The following SLCO3A1 variants were observed in gnomAD, a reference collection of about 807,000 sequenced individuals.
SLCO3A1 encodes solute carrier organic anion transporter family member 3A1, also known as PGE1 transporter.
Under a neutral mutation model 63.1 loss-of-function variants are expected in SLCO3A1, and 27 were observed. That is an observed-to-expected ratio of 0.43 (90% CI 0.32 to 0.59). SLCO3A1 has a LOEUF of 0.59. Among genes scored for constraint, SLCO3A1 ranks in the 20% least tolerant of loss-of-function variants. The pLI is 0.09. For missense variants in SLCO3A1, 773 were observed against 945.8 expected (o/e 0.82, Z 2.40); for synonymous variants, 473 against 409.9 (o/e 1.15, Z -1.86).
In SLCO3A1 at chr15:91,941,703, T is replaced by G. The variant is rs1169117594; in HGVS notation, c.646+25245T>G. On this transcript the variant is annotated intron_variant, in intron 2 of 9. Transcript: ENST00000318445. This position sits in a 1 kb window ranked among gnomAD's most constrained non-coding sequence, Gnocchi z 4.4. ...CTTTAAAAAAATTATTTTTCCTCCT[T>G]TTTAATTTTTATGTTTAAAATATCT... 5 of 370,310 alleles carry G rather than the reference T, an allele frequency of 1.4e-5. No homozygotes were observed. The highest frequency in any genetic ancestry group is 2.1e-5 in the African/African-American group (1 of 46,832). The allele number at this position is 370,310 out of a possible 1,614,324, so 22.9% of individuals were successfully genotyped here.
intron 2 of SLCO3A1, among the ~76,000 whole-genome samples, chr15:91,920,710 T>A (rs1011958222): frequency 3.3e-5 from 5 of 152,200 alleles, no homozygotes; most frequent in African/African-American, 9.6e-5. Context: ...GAGGTTTTTT[T>A]AAGTGTTGTG....
intron 2 of SLCO3A1, among the ~76,000 whole-genome samples, chr15:91,978,328 A>G (rs202175990): frequency 6.6e-6 from 1 of 152,328 alleles, no homozygotes; most frequent in East Asian, 1.9e-4. Flanking sequence ...TCAGTGAACT[A>G]AGCTCTTTTA....
chr15:92,142,985 A>G (rs1171876734), intron 7 of SLCO3A1, among the ~76,000 whole-genome samples: 3 of 152,060 alleles, frequency 2.0e-5, no homozygotes, highest in Non-Finnish European at 4.4e-5. Flanking sequence ...CACATGGCTC[A>G]TTCAGAGGGT....
chr15:91,952,695 G>A (rs905453566), intron 2 of SLCO3A1, among the ~76,000 whole-genome samples: 1 of 152,174 alleles, frequency 6.6e-6, no homozygotes, highest in Non-Finnish European at 1.5e-5. Context: ...ATACTTTTCC[G>A]AAATCAATAG....
At chr15:91,930,933 G>A (rs1030524746) in intron 2 of SLCO3A1, among the ~76,000 whole-genome samples, 1 of 152,176 alleles carries the variant, frequency 6.6e-6, no homozygotes, top group Non-Finnish European at 1.5e-5. Context: ...CAACTACTGT[G>A]TTTTCCTGCT....
rs1381852070 is a variant in SLCO3A1 at position 92,104,466 on chromosome 15, A to T, written c.933A>T (p.Arg311Ser). The T allele has an allele frequency of 1.2e-6, 2 of 1,614,012 alleles. No homozygotes were observed. The highest frequency in any genetic ancestry group is 1.7e-5 in the Admixed American group (1 of 60,002). ...QAMLSEREYE[R>S]PKPSNGVLRH... ...TGCTCTCCGAAAGAGAATACGAGAG[A>T]CCCAAGCCCAGCAACGGGGTCCTGA... The change falls in exon 4 of 10, where the codon AGA (arginine) becomes AGT (serine). Residue 311 changes from arginine (R) to serine (S), a missense_variant. Arg to Ser is a moderately radical substitution (Grantham distance 110). Coordinates refer to ENST00000318445, the MANE Select transcript of SLCO3A1 (RefSeq NM_013272.4).
At chr15:92,142,436 G>C (rs1209441491) in intron 7 of SLCO3A1, among the ~76,000 whole-genome samples, 5 of 152,140 alleles carry the variant, frequency 3.3e-5, no homozygotes, top group Admixed American at 1.3e-4. Context: ...TCATGTGGTG[G>C]GAGGGGCAAG....
At chr15:91,879,023 ACT>A (rs1324501836) in intron 1 of SLCO3A1, among the ~76,000 whole-genome samples, 1 of 152,022 alleles carries the variant, frequency 6.6e-6, no homozygotes, top group East Asian at 1.9e-4. Flanking sequence ...GAAGTACGTG[ACT>A]CTATTTTGAA....
intron 8 of SLCO3A1, among the ~76,000 whole-genome samples, chr15:92,148,577 C>CA (rs1410768338): frequency 1.3e-5 from 2 of 152,182 alleles, no homozygotes; most frequent in Non-Finnish European, 2.9e-5. Flanking sequence ...GCAAAACTGA[C>CA]AAAATCACAA....
chr15:92,104,447 C>G lies in SLCO3A1; in HGVS notation c.914C>G (p.Ser305Cys), dbSNP rs751176389. 6.2e-7 allele frequency: 1 copy of G among 1,614,170 alleles called. No individual in the cohort carries two copies. The highest frequency in any genetic ancestry group is 1.7e-5 in the Admixed American group (1 of 60,034). ...PAMESEQAML[S>C]EREYERPKPS... ...ATGGAAAGCGAGCAGGCCATGCTCT[C>G]CGAAAGAGAATACGAGAGACCCAAG... The change falls in exon 4 of 10, where the codon TCC becomes TGC. Residue 305 changes from serine (S) to cysteine (C), a missense_variant. Around this residue, in one of 3 missense-constraint regions of SLCO3A1, gnomAD observed 565 missense variants for 749.8 expected, o/e 0.75. Transcript: ENST00000318445.
downstream of SLCO3A1, among the ~76,000 whole-genome samples, chr15:92,167,216 A>G (rs927432226): frequency 1.2e-4 from 19 of 152,220 alleles, no homozygotes; most frequent in Non-Finnish European, 2.4e-4. Flanking sequence ...GGAGAACCAC[A>G]TATCTGGCCA....
At chr15:92,158,981 C>G (rs766840150) in intron 9 of SLCO3A1, among the ~76,000 whole-genome samples, 3 of 152,136 alleles carry the variant, frequency 2.0e-5, no homozygotes, top group Non-Finnish European at 4.4e-5. Context: ...AAATACCACC[C>G]CAAATCCCCT....
chr15:92,058,960 T>C (rs1421261784), intron 2 of SLCO3A1, among the ~76,000 whole-genome samples: 3 of 152,236 alleles, frequency 2.0e-5, no homozygotes, highest in African/African-American at 4.8e-5. Flanking sequence ...ATTTAGAGCC[T>C]ATCCTGAGAT....
chr15:91,973,964 C>T (rs1900987180), intron 2 of SLCO3A1, among the ~76,000 whole-genome samples: 2 of 152,156 alleles, frequency 1.3e-5, no homozygotes, highest in African/African-American at 4.8e-5. Context: ...TTTCTTTCTA[C>T]ATTTTCTATA....
intron 4 of SLCO3A1, among the ~76,000 whole-genome samples, chr15:92,109,553 A>C (rs2151550834): frequency 1.3e-5 from 2 of 152,302 alleles, no homozygotes; most frequent in East Asian, 3.9e-4. Flanking sequence ...TTTAAAATCC[A>C]AAGGGAGAGT....
At chr15:92,022,267 G>A (rs991328800) in intron 2 of SLCO3A1, among the ~76,000 whole-genome samples, 1 of 152,162 alleles carries the variant, frequency 6.6e-6, no homozygotes, top group Admixed American at 6.5e-5. Context: ...GCTGACTTAG[G>A]TACAGTATGT....
intron 1 of SLCO3A1, among the ~76,000 whole-genome samples, chr15:91,871,695 T>G (rs774764321): frequency 6.6e-6 from 1 of 151,794 alleles, no homozygotes. Flanking sequence ...GGATTCTTTT[T>G]CCTTTATTTT....
At chr15:92,118,891 C>T (rs1402436741) in intron 4 of SLCO3A1, among the ~76,000 whole-genome samples, 2 of 152,156 alleles carry the variant, frequency 1.3e-5, no homozygotes, top group Non-Finnish European at 2.9e-5. Flanking sequence ...TCTGGGAAAC[C>T]ACCTCTATAA....
rs1047946050 is a variant in SLCO3A1, at chr15:91,916,722, G to C, written c.646+264G>C. 6.6e-6 allele frequency among the ~76,000 whole-genome samples: 1 copy of C among 152,210 alleles called. No homozygotes were observed. The highest frequency in any genetic ancestry group is 1.5e-5 in the Non-Finnish European group (1 of 68,034). ...ACCGCTTCAGTGGGAAAACATGATC[G>C]GGAGGAGTTGTATGTTTATCTCTTC... On this transcript the variant is annotated intron_variant, in intron 2 of 9. Transcript: ENST00000318445. The surrounding 1 kb of genome is among the most constrained non-coding windows in gnomAD (Gnocchi z 6.2).
Sources: gnomAD v4.1 joint callset for allele counts (sites outside exome capture counted in the v4.1 genomes callset) on GRCh38, gnomAD v4.1.1 for gene constraint, gnomAD v4.1.1 regional missense constraint, Gnocchi (gnomAD v3.1) non-coding constraint, MANE v1.5 for transcripts, NCBI Gene and HGNC (gene_info 2026-07-23, HGNC 2026-07-21) for gene names.